KCNMA1: variants seen among roughly 807,000 people sequenced by gnomAD.
The protein encoded by KCNMA1 is potassium calcium-activated channel subfamily M alpha 1, also known as Calcium-activated potassium channel subunit alpha-1.
Under a neutral mutation model 140.0 loss-of-function variants are expected in KCNMA1, and 29 were observed. The ratio of observed to expected loss-of-function variants is 0.21; its 90% CI spans 0.15 to 0.28. The LOEUF (loss-of-function observed/expected upper bound fraction) is 0.28. Ranked by LOEUF, KCNMA1 falls within the 10% of genes least tolerant of loss-of-function variation. The pLI is 1.00. For missense variants in KCNMA1, 880 were observed against 1,602.2 expected, an observed-to-expected ratio of 0.55 and a Z score of 7.70; for synonymous variants, 612 against 611.9, an observed-to-expected ratio of 1.00 and a Z score of 0.00.
chr10:77,603,134 G>T (rs966063781), intron 1 of KCNMA1, among the ~76,000 whole-genome samples: 9 of 152,196 alleles, frequency 5.9e-5, no homozygotes, highest in African/African-American at 1.9e-4. Context: ...ACTGCTAGAG[G>T]TTCCATTAGC....
intron 2 of KCNMA1, among the ~76,000 whole-genome samples, chr10:77,283,172 T>C (rs2069329502): frequency 2.0e-5 from 3 of 152,258 alleles, no homozygotes; most frequent in South Asian, 4.1e-4. Flanking sequence ...CCTAACACAC[T>C]GCACAGGCTG....
intron 23 of KCNMA1, among the ~76,000 whole-genome samples, chr10:76,931,080 G>A (rs2059154978): frequency 1.3e-5 from 2 of 152,120 alleles, no homozygotes; most frequent in African/African-American, 4.8e-5. Flanking sequence ...AAAGTGTGGT[G>A]ACTATAGTTG....
chr10:76,994,759 G>T (rs546864875), intron 19 of KCNMA1, among the ~76,000 whole-genome samples: 4 of 152,226 alleles, frequency 2.6e-5, no homozygotes, highest in Non-Finnish European at 5.9e-5. Context: ...GGGAGTCAAA[G>T]ATCCCAAATG....
At chr10:77,184,321 G>A (rs1246771560) in intron 4 of KCNMA1, among the ~76,000 whole-genome samples, 1 of 152,180 alleles carries the variant, frequency 6.6e-6, no homozygotes, top group Non-Finnish European at 1.5e-5. Flanking sequence ...CCAGGTTCAA[G>A]CAATTCTCCT....
chr10:77,007,653 G>GCATATATATATA lies in KCNMA1; in HGVS notation c.2092+4313_2092+4314insTATATATATATG, dbSNP rs1336725087. 9.1e-3 allele frequency among the ~76,000 whole-genome samples: 806 copies of GCATATATATATA among 88,456 alleles called. 13 individuals carry two copies. Among genetic ancestry groups the GCATATATATATA allele is most frequent in the Non-Finnish European group, 0.013 (577 of 42,836 alleles). The allele number at this position is 88,456 out of a possible 152,430, so 58.0% of individuals were successfully genotyped here. On this transcript the variant is annotated intron_variant, in intron 18 of 27. Transcript: ENST00000286628. ...ACATCATGGTACATATTGTGTGTGT[G>GCATATATATATA]TATATATATATATATATATATATGT...
intron 1 of KCNMA1, among the ~76,000 whole-genome samples, chr10:77,520,126 A>ATGCAGTGGGCGGGTG (rs2052533504): frequency 2.0e-5 from 1 of 49,624 alleles, no homozygotes; most frequent in Non-Finnish European, 4.2e-5. Flanking sequence ...GGTCCGGGGT[A>ATGCAGTGGGCGGGTG]TGCAGTGTGA....
At chr10:77,304,825 T>C (rs2077303429) in intron 2 of KCNMA1, among the ~76,000 whole-genome samples, 2 of 152,188 alleles carry the variant, frequency 1.3e-5, no homozygotes. Flanking sequence ...ACACCCCGTG[T>C]GCAGCACAGA....
intron 5 of KCNMA1, among the ~76,000 whole-genome samples, chr10:77,172,660 C>T (rs2098717713): frequency 6.8e-6 from 1 of 147,718 alleles, no homozygotes; most frequent in Non-Finnish European, 1.5e-5. Context: ...CAATGCTATT[C>T]ATAAGGTGTA....
chr10:77,251,724 A>G (rs755945146), intron 2 of KCNMA1, among the ~76,000 whole-genome samples: 13 of 152,224 alleles, frequency 8.5e-5, no homozygotes, highest in South Asian at 2.1e-4. Flanking sequence ...AGTACAATTC[A>G]TCAATGACTT....
intron 1 of KCNMA1, among the ~76,000 whole-genome samples, chr10:77,585,214 A>G (rs1242388378): frequency 2.6e-5 from 4 of 152,152 alleles, no homozygotes; most frequent in African/African-American, 9.7e-5. Flanking sequence ...CAGAGGAACA[A>G]ATGGCTGCAA....
rs1294773803 is a variant in KCNMA1, at chr10:77,269,965, G to T, written c.541-18709C>A. 3.9e-5 allele frequency among the ~76,000 whole-genome samples: 6 copies of T among 152,160 alleles called. No individual in the cohort carries two copies. In the East Asian group the frequency reaches 1.2e-3, roughly 29 times the overall value. On this transcript the variant is annotated intron_variant, in intron 2 of 27. Coordinates refer to ENST00000286628, the MANE Select transcript of KCNMA1 (RefSeq NM_001161352.2). ...CAGAGCCAGACCCAGACAATGATTG[G>T]CCATTTGCTGCCACTTGGATTTCAG...
chr10:77,258,024 T>C (rs2061170836), intron 2 of KCNMA1, among the ~76,000 whole-genome samples: 1 of 152,162 alleles, frequency 6.6e-6, no homozygotes, highest in African/African-American at 2.4e-5. Flanking sequence ...ACAGAAGACC[T>C]GGGTGTGAAT....
intron 1 of KCNMA1, among the ~76,000 whole-genome samples, chr10:77,523,256 T>C (rs971179634): frequency 7.0e-6 from 1 of 142,284 alleles, no homozygotes; most frequent in African/African-American, 2.7e-5. Flanking sequence ...GCTTAATAAA[T>C]AGTTATAAAT....
intron 14 of KCNMA1, among the ~76,000 whole-genome samples, chr10:77,068,051 C>A (rs1049620974): frequency 2.6e-5 from 4 of 152,170 alleles, no homozygotes; most frequent in Non-Finnish European, 5.9e-5. Flanking sequence ...AAGGGCAAAC[C>A]TGGAACCAGT....
chr10:77,440,509 C>T (rs1419604675), intron 1 of KCNMA1, among the ~76,000 whole-genome samples: 1 of 152,156 alleles, frequency 6.6e-6, no homozygotes, highest in Admixed American at 6.5e-5. Flanking sequence ...CAGGAAGACT[C>T]GGTCCAGGGG....
chr10:77,542,349 G>A (rs1032857418), intron 1 of KCNMA1, among the ~76,000 whole-genome samples: 1 of 152,242 alleles, frequency 6.6e-6, no homozygotes, highest in Non-Finnish European at 1.5e-5. Context: ...AGGATGCCAT[G>A]CCTGAGAATA....
At chr10:77,467,256 T>G (rs287177) in intron 1 of KCNMA1, among the ~76,000 whole-genome samples, 120,203 of 152,144 alleles carry the variant, frequency 0.79, 47,703 homozygotes, top group East Asian at 0.9. Flanking sequence ...TTAATTCATG[T>G]CTGTACTGCC....
At chr10:76,985,971 G>A (rs1017975863) in intron 19 of KCNMA1, among the ~76,000 whole-genome samples, 1 of 152,220 alleles carries the variant, frequency 6.6e-6, no homozygotes, top group African/African-American at 2.4e-5. Context: ...AATAGGGATT[G>A]TGTTTCTCAC....
At chr10:76,879,092 G>A (rs1443038301) in intron 29 of KCNMA1, among the ~76,000 whole-genome samples, 2 of 152,088 alleles carry the variant, frequency 1.3e-5, no homozygotes, top group East Asian at 3.9e-4. Flanking sequence ...TGGTTTGATA[G>A]GGGGCGTTGG....
Sources: gnomAD v4.1 joint callset for allele counts (sites outside exome capture counted in the v4.1 genomes callset) on GRCh38, gnomAD v4.1.1 for gene constraint, MANE v1.5 for transcripts, NCBI Gene and HGNC (gene_info 2026-07-23, HGNC 2026-07-21) for gene names.